Variants in AGMO observed in about 807,000 individuals in gnomAD.
The protein encoded by AGMO is glyceryl-ether monooxygenase.
Under a neutral mutation model 60.2 loss-of-function variants are expected in AGMO, and 75 were observed. The observed-to-expected ratio is 1.25, with a 90% CI of 1.03 to 1.51. AGMO has a LOEUF of 1.51. Ranked by LOEUF, AGMO falls within the 40% of genes most tolerant of loss-of-function variation. The pLI, the probability that AGMO is intolerant of heterozygous loss-of-function variation, is 0.00. For synonymous variants in AGMO, 261 were observed against 177.1 expected, an observed-to-expected ratio of 1.47 and a Z score of -3.76; for missense variants, 763 against 525.5, an observed-to-expected ratio of 1.45 and a Z score of -4.42.
At chr7:15,405,530 T>G (rs765329678) in intron 5 of AGMO, among the ~76,000 whole-genome samples, 3 of 151,942 alleles carry the variant, frequency 2.0e-5, no homozygotes, top group Non-Finnish European at 2.9e-5. Context: ...ATTATTCTGA[T>G]GCATGCAGGT....
intron 12 of AGMO, among the ~76,000 whole-genome samples, chr7:15,248,220 A>ATATC (rs1250160887): frequency 9.0e-6 from 1 of 110,894 alleles, no homozygotes; most frequent in African/African-American, 3.3e-5. Flanking sequence ...ATATATATAT[A>ATATC]TATATCTTCA....
intron 12 of AGMO, among the ~76,000 whole-genome samples, chr7:15,337,396 A>C (rs1011243383): frequency 6.6e-6 from 1 of 152,138 alleles, no homozygotes; most frequent in Non-Finnish European, 1.5e-5. Flanking sequence ...ACAGGCAATG[A>C]GAGGAATGAC....
chr7:15,364,749 T>G (rs1042177815), intron 12 of AGMO, among the ~76,000 whole-genome samples: 1 of 152,022 alleles, frequency 6.6e-6, no homozygotes, highest in South Asian at 2.1e-4. Context: ...ATAATGAAAG[T>G]GTATATACTG....
At chr7:15,250,956 AT>A (rs1329390768) in intron 12 of AGMO, among the ~76,000 whole-genome samples, 4 of 143,038 alleles carry the variant, frequency 2.8e-5, no homozygotes, top group African/African-American at 5.9e-5. Flanking sequence ...AAAAAAAAAA[AT>A]ATATATATAT....
intron 2 of AGMO, among the ~76,000 whole-genome samples, chr7:15,558,747 T>A (rs937154135): frequency 1.3e-5 from 2 of 152,046 alleles, no homozygotes; most frequent in Non-Finnish European, 2.9e-5. Context: ...ATTGAAAAAA[T>A]TTTACTTTTA....
At chr7:15,357,050 G>T (rs1357748450) in intron 12 of AGMO, among the ~76,000 whole-genome samples, 2 of 151,706 alleles carry the variant, frequency 1.3e-5, no homozygotes, top group Non-Finnish European at 2.9e-5. Context: ...CTTAAACCTG[G>T]GAGGCGGAGG....
chr7:15,195,348 C>G (rs1257548843), downstream of AGMO, among the ~76,000 whole-genome samples: 1 of 152,106 alleles, frequency 6.6e-6, no homozygotes. Context: ...GAGATGGGTG[C>G]CCCAGTGGGT....
intron 12 of AGMO, among the ~76,000 whole-genome samples, chr7:15,359,990 T>G (rs910655899): frequency 6.6e-6 from 1 of 152,224 alleles, no homozygotes; most frequent in Non-Finnish European, 1.5e-5. Flanking sequence ...TGTGCTTTTA[T>G]TATATTCTCA....
intron 12 of AGMO, among the ~76,000 whole-genome samples, chr7:15,364,511 A>T (rs796606639): frequency 6.6e-6 from 1 of 152,050 alleles, no homozygotes; most frequent in African/African-American, 2.4e-5. Flanking sequence ...AATTTCAAAT[A>T]GTCCTCCATT....
chr7:15,435,162 G>A (rs746424786), intron 3 of AGMO, among the ~76,000 whole-genome samples: 1 of 151,990 alleles, frequency 6.6e-6, no homozygotes, highest in Non-Finnish European at 1.5e-5. Context: ...ACAGATAAAA[G>A]TTCTATCAAG....
intron 12 of AGMO, among the ~76,000 whole-genome samples, chr7:15,329,370 G>A (rs1425218757): frequency 1.3e-5 from 2 of 152,280 alleles, no homozygotes; most frequent in Non-Finnish European, 2.9e-5. Context: ...GTGATGAGGA[G>A]CACCAATTTA....
intron 3 of AGMO, among the ~76,000 whole-genome samples, chr7:15,437,735 T>G (rs1336182665): frequency 1.3e-5 from 2 of 152,014 alleles, no homozygotes; most frequent in South Asian, 2.1e-4. Flanking sequence ...AGAGACGGGG[T>G]TTCACCGTGT....
intron 3 of AGMO, among the ~76,000 whole-genome samples, chr7:15,531,445 A>G (rs1346826322): frequency 1.6e-5 from 1 of 62,980 alleles, no homozygotes; most frequent in Non-Finnish European, 2.6e-5. Context: ...TATATTCTAT[A>G]TATATTCTCT....
At chr7:15,379,100 C>T (rs1247776206) in intron 10 of AGMO, among the ~76,000 whole-genome samples, 2 of 152,086 alleles carry the variant, frequency 1.3e-5, no homozygotes, top group Non-Finnish European at 2.9e-5. Context: ...ATACCAGAAT[C>T]TCTAGGACAC....
chr7:15,312,085 G>C (rs896741377), intron 12 of AGMO, among the ~76,000 whole-genome samples: 2 of 152,136 alleles, frequency 1.3e-5, no homozygotes, highest in East Asian at 3.9e-4. Flanking sequence ...GACAGGGAGA[G>C]AGAGAAAGAA....
chr7:15,354,606 G>C (rs888143872), intron 12 of AGMO, among the ~76,000 whole-genome samples: 1 of 140,518 alleles, frequency 7.1e-6, no homozygotes, highest in Non-Finnish European at 1.5e-5. Context: ...GATACATCTT[G>C]AGAAAGACTA....
At chr7:15,531,230 T>C (rs1784330493) in intron 3 of AGMO, among the ~76,000 whole-genome samples, 1 of 84,962 alleles carries the variant, frequency 1.2e-5, no homozygotes, top group Admixed American at 1.9e-4. Flanking sequence ...ATATATTCTA[T>C]ATATATATTC....
intron 2 of AGMO, among the ~76,000 whole-genome samples, chr7:15,550,544 C>T (rs1434086161): frequency 6.6e-6 from 1 of 151,928 alleles, no homozygotes; most frequent in African/African-American, 2.4e-5. Flanking sequence ...AACACCTCTA[C>T]ACAAATAAAC....
chr7:15,392,536 CAGGCCTGTAATCCCAGCACTTTGGG>C, intron 6 of AGMO, among the ~76,000 whole-genome samples: 1 of 152,216 alleles, frequency 6.6e-6, no homozygotes, highest in Non-Finnish European at 1.5e-5. Context: ...TGCAGTGACT[CAGGCCTGTAATCCCAGCACTTTGGG>C]AGGCCAAGGA....
Sources: allele counts gnomAD v4.1 joint callset (sites outside exome capture counted in the v4.1 genomes callset), GRCh38; gene constraint gnomAD v4.1.1; transcripts MANE v1.5; gene names NCBI Gene and HGNC (gene_info 2026-07-23, HGNC 2026-07-21).